The following ARHGEF4 variants were observed in gnomAD, a reference collection of about 807,000 sequenced individuals.
The protein encoded by ARHGEF4 is APC-stimulated guanine nucleotide exchange factor 1.
A neutral mutation model predicts 162.0 loss-of-function variants in ARHGEF4; 119 were observed. The observed-to-expected ratio is 0.73, with a 90% CI of 0.63 to 0.86. The LOEUF (loss-of-function observed/expected upper bound fraction) is 0.86. Ranked by LOEUF, ARHGEF4 falls within the 40% of genes least tolerant of loss-of-function variation. The pLI, the probability that ARHGEF4 is intolerant of heterozygous loss-of-function variation, is 0.00. For missense variants in ARHGEF4, 2,488 were observed against 2,456.0 expected (o/e 1.01, Z -0.28); for synonymous variants, 1,014 against 979.9 (o/e 1.03, Z -0.65).
intron 4 of ARHGEF4, among the ~76,000 whole-genome samples, chr2:130,998,061 T>A (rs1687519390): frequency 6.6e-6 from 1 of 152,206 alleles, no homozygotes; most frequent in Admixed American, 6.5e-5. Flanking sequence ...GCCTCTGACC[T>A]CAGAGACCCC....
At chr2:130,864,685 C>G (rs570674621) in intron 1 of ARHGEF4, among the ~76,000 whole-genome samples, 1 of 152,344 alleles carries the variant, frequency 6.6e-6, no homozygotes, top group Admixed American at 6.5e-5. Context: ...GATCATGCCA[C>G]TGCACTCCAA....
chr2:130,955,343 A>G (rs1684201973), intron 4 of ARHGEF4, among the ~76,000 whole-genome samples: 1 of 151,984 alleles, frequency 6.6e-6, no homozygotes, highest in South Asian at 2.1e-4. Context: ...GTTCCTTTGC[A>G]TATGTCATAA....
rs550153485 is a variant in ARHGEF4 at position 130,837,090 on chromosome 2, C to T, written c.39+98C>T. On this transcript the variant is annotated intron_variant, in intron 1 of 13. Transcript: ENST00000409359. ...GCTGGCTGCTGCGCCCCGGGCCGTCCCCTGGGCACCCGGTGGGTGGGGACA... is the reference window on the plus strand; with the variant it reads ...GCTGGCTGCTGCGCCCCGGGCCGTCTCCTGGGCACCCGGTGGGTGGGGACA... 71 of 1,130,430 alleles carry T rather than the reference C, an allele frequency of 6.3e-5. No individual in the cohort carries two copies. In the African/African-American group the frequency reaches 9.9e-4, roughly 16 times the overall value. The allele number at this position is 1,130,430 out of a possible 1,614,324, so 70.0% of individuals were successfully genotyped here.
In ARHGEF4 at chr2:131,044,364, G is replaced by A. The variant is rs770965890; in HGVS notation, c.5223G>A (p.Val1741=). 2 of 1,602,330 alleles carry A rather than the reference G, an allele frequency of 1.2e-6. No individual in the cohort carries two copies. Residue 1741 remains valine (V), a synonymous_variant, in exon 12 of 14, where the codon GTG becomes GTA. Coordinates refer to ENST00000409359, the MANE Select transcript of ARHGEF4 (RefSeq NM_001367493.1). ...GRLDMDGLEV[V]DLEDGKDRDL... Reference sequence around the variant, plus strand: ...TGGACATGGACGGCCTGGAGGTGGTGGACCTGGAGGACGGGAAGGACAGAG... The same window carrying A: ...TGGACATGGACGGCCTGGAGGTGGTAGACCTGGAGGACGGGAAGGACAGAG...
At chr2:131,037,099 G>A (rs113343008) in intron 5 of ARHGEF4, among the ~76,000 whole-genome samples, 3 of 152,170 alleles carry the variant, frequency 2.0e-5, no homozygotes, top group African/African-American at 7.2e-5. Flanking sequence ...ATAACCCAGG[G>A]CTCTGTGCCT....
At chr2:130,992,793 A>G (rs1160322869) in intron 4 of ARHGEF4, among the ~76,000 whole-genome samples, 1 of 152,224 alleles carries the variant, frequency 6.6e-6, no homozygotes, top group Non-Finnish European at 1.5e-5. Flanking sequence ...AGGTTAAAGT[A>G]CAGACATCGG....
At chr2:130,877,893 T>A (rs1337830971) in intron 1 of ARHGEF4, among the ~76,000 whole-genome samples, 1 of 152,194 alleles carries the variant, frequency 6.6e-6, no homozygotes, top group Non-Finnish European at 1.5e-5. Context: ...CTTTAACCAG[T>A]GTATCACCAG....
intron 1 of ARHGEF4, among the ~76,000 whole-genome samples, chr2:130,843,732 A>G (rs542374531): frequency 6.6e-6 from 1 of 152,262 alleles, no homozygotes. Context: ...GGCATCTCCA[A>G]AGGTTGTTCT....
intron 1 of ARHGEF4, among the ~76,000 whole-genome samples, chr2:130,838,913 G>A (rs1452175398): frequency 6.6e-6 from 1 of 152,188 alleles, no homozygotes; most frequent in African/African-American, 2.4e-5. Context: ...TGCTGCCTGG[G>A]AGGCTCCTGG....
intron 4 of ARHGEF4, among the ~76,000 whole-genome samples, chr2:131,005,512 T>TG (rs1688064061): frequency 6.6e-6 from 1 of 152,308 alleles, no homozygotes; most frequent in Non-Finnish European, 1.5e-5. Flanking sequence ...AGTGCGCCTC[T>TG]GGGGGTCATT....
At chr2:130,887,526 T>C (rs968876744) in intron 1 of ARHGEF4, among the ~76,000 whole-genome samples, 1 of 152,132 alleles carries the variant, frequency 6.6e-6, no homozygotes, top group African/African-American at 2.4e-5. Flanking sequence ...TGTCTTTTAA[T>C]GTCTGCAACA....
At chr2:130,953,602 C>G (rs542536512) in intron 4 of ARHGEF4, among the ~76,000 whole-genome samples, 15 of 152,204 alleles carry the variant, frequency 9.9e-5, no homozygotes, top group Admixed American at 4.6e-4. Context: ...AAGAAACTAC[C>G]ATTAGAGTGA....
intron 3 of ARHGEF4, among the ~76,000 whole-genome samples, chr2:130,937,770 C>T (rs560112478): frequency 5.3e-5 from 8 of 151,880 alleles, no homozygotes; most frequent in African/African-American, 9.7e-5. Context: ...CGGGTTCACA[C>T]CATTCTCCTG....
chr2:130,865,859 T>C (rs1261110667), intron 1 of ARHGEF4, among the ~76,000 whole-genome samples: 4 of 152,072 alleles, frequency 2.6e-5, no homozygotes, highest in African/African-American at 9.7e-5. Flanking sequence ...AGTGTGGGCC[T>C]TAGACTGAGG....
intron 1 of ARHGEF4, among the ~76,000 whole-genome samples, chr2:130,851,179 A>G (rs1174302572): frequency 6.6e-6 from 1 of 152,256 alleles, no homozygotes; most frequent in African/African-American, 2.4e-5. Context: ...TGGTTGGGAT[A>G]GGACCTGCCA....
At chr2:130,889,495 A>G (rs1034691673) in intron 1 of ARHGEF4, among the ~76,000 whole-genome samples, 7 of 151,634 alleles carry the variant, frequency 4.6e-5, no homozygotes, top group Non-Finnish European at 8.8e-5. Context: ...CTGTGGGTGA[A>G]TTTTCTCAGC....
chr2:130,992,784 G>A (rs978894339), intron 4 of ARHGEF4, among the ~76,000 whole-genome samples: 2 of 152,162 alleles, frequency 1.3e-5, no homozygotes, highest in Non-Finnish European at 2.9e-5. Context: ...TCAAGAGTGA[G>A]GTTAAAGTAC....
At chr2:130,983,528 T>G (rs1248006721) in intron 4 of ARHGEF4, among the ~76,000 whole-genome samples, 1 of 152,228 alleles carries the variant, frequency 6.6e-6, no homozygotes, top group African/African-American at 2.4e-5. Context: ...CTGTTTTCAT[T>G]TTACCAACCA....
At chr2:130,878,218 A>G (rs1018003252) in intron 1 of ARHGEF4, among the ~76,000 whole-genome samples, 2 of 152,194 alleles carry the variant, frequency 1.3e-5, no homozygotes, top group African/African-American at 4.8e-5. Context: ...CCCATTCAAA[A>G]CACAAAAATC....
Sources: gnomAD v4.1 joint callset for allele counts (sites outside exome capture counted in the v4.1 genomes callset) on GRCh38, gnomAD v4.1.1 for gene constraint, MANE v1.5 for transcripts, NCBI Gene and HGNC (gene_info 2026-07-23, HGNC 2026-07-21) for gene names.